Variants in UST observed in about 807,000 individuals in gnomAD.
UST encodes the protein chondroitin sulfate 2-O-sulfotransferase.
A neutral mutation model predicts 45.6 loss-of-function variants in UST; 21 were observed. The ratio of observed to expected loss-of-function variants is 0.46; its 90% confidence interval spans 0.33 to 0.66. The LOEUF (loss-of-function observed/expected upper bound fraction) is 0.66, where lower values mean the gene tolerates loss of function less well. Among genes scored for constraint, UST ranks in the 30% least tolerant of loss-of-function variants. The pLI is 0.02. For missense variants in UST, 463 were observed against 512.4 expected, an observed-to-expected ratio of 0.90 and a Z score of 0.93; for synonymous variants, 215 against 200.6, an observed-to-expected ratio of 1.07 and a Z score of -0.61.
rs141764223 is a variant in UST at position 148,926,109 on chromosome 6, A to G, written c.292-15170A>G. On this transcript the variant is annotated intron_variant, in intron 2 of 7. Coordinates refer to ENST00000367463, the MANE Select transcript of UST (RefSeq NM_005715.3). Reference sequence around the variant, plus strand: ...TGACAGACTTTTAAAGTAATTGAAGAAAGAAAGCAGCACACTTTATGAGAT... The same window carrying G: ...TGACAGACTTTTAAAGTAATTGAAGGAAGAAAGCAGCACACTTTATGAGAT... 2.8e-3 allele frequency among the ~76,000 whole-genome samples: 429 copies of G among 152,350 alleles called. 3 individuals are homozygous for G. The highest frequency in any genetic ancestry group is 9.7e-3 in the African/African-American group (404 of 41,570).
chr6:149,015,441 A>G (rs976424298), intron 5 of UST, among the ~76,000 whole-genome samples: 8 of 152,172 alleles, frequency 5.3e-5, no homozygotes, highest in African/African-American at 9.7e-5. Flanking sequence ...TTAAGACCCA[A>G]TGATAAAAAG....
chr6:148,967,478 T>C (rs542979287), intron 5 of UST, among the ~76,000 whole-genome samples: 1 of 152,330 alleles, frequency 6.6e-6, no homozygotes, highest in East Asian at 1.9e-4. Context: ...CTTTTTTTAA[T>C]AGCTGAAACT....
intron 1 of UST, among the ~76,000 whole-genome samples, chr6:148,755,842 T>G (rs936640171): frequency 6.6e-6 from 1 of 152,124 alleles, no homozygotes; most frequent in Non-Finnish European, 1.5e-5. Context: ...CTGGTAATCA[T>G]CCAGGTGAAA....
At chr6:149,016,535 C>T (rs1245413791) in intron 5 of UST, among the ~76,000 whole-genome samples, 5 of 152,082 alleles carry the variant, frequency 3.3e-5, no homozygotes, top group South Asian at 2.1e-4. Flanking sequence ...TTAGTCCAGG[C>T]AGGGTGCTGA....
chr6:148,949,121 T>C (rs1464031803), intron 3 of UST, among the ~76,000 whole-genome samples: 2 of 151,890 alleles, frequency 1.3e-5, no homozygotes, highest in Non-Finnish European at 2.9e-5. Flanking sequence ...TGAAACCCTG[T>C]CTCTACTAAA....
At chr6:149,063,199 C>A (rs972082918) in intron 7 of UST, among the ~76,000 whole-genome samples, 4 of 152,038 alleles carry the variant, frequency 2.6e-5, no homozygotes, top group African/African-American at 9.7e-5. Context: ...TTGGACATGT[C>A]TATAAAGAAA....
At chr6:148,993,572 G>A (rs1781394448) in intron 5 of UST, among the ~76,000 whole-genome samples, 1 of 152,138 alleles carries the variant, frequency 6.6e-6, no homozygotes, top group Admixed American at 6.5e-5. Flanking sequence ...TTGTATATTT[G>A]TCCCCACCCA....
At chr6:148,956,494 T>A (rs1318226315) in intron 4 of UST, among the ~76,000 whole-genome samples, 2 of 152,124 alleles carry the variant, frequency 1.3e-5, no homozygotes, top group South Asian at 2.1e-4. Context: ...ATTCAAATTA[T>A]CTCCCATCAG....
chr6:148,794,831 C>G (rs147920054), intron 1 of UST, among the ~76,000 whole-genome samples: 1 of 152,210 alleles, frequency 6.6e-6, no homozygotes, highest in African/African-American at 2.4e-5. Context: ...AGTTGGGGAA[C>G]TTATTCCTTC....
At chr6:148,864,718 T>G (rs1417902550) in intron 1 of UST, among the ~76,000 whole-genome samples, 1 of 152,234 alleles carries the variant, frequency 6.6e-6, no homozygotes, top group Non-Finnish European at 1.5e-5. Context: ...CAATAATTAA[T>G]AGTTATCCTT....
At position 149,073,853 on chromosome 6, in the gene UST, A is replaced by T; in HGVS notation, c.958A>T (p.Met320Leu). Residue 320 changes from methionine to leucine, a missense_variant, in exon 8 of 8, where the codon ATG (methionine) becomes TTG (leucine). Transcript: ENST00000367463. The part of the protein sequence containing the change: ...KDPEHRKLGN[M>L]TVTVKKTVPS... ...TCCAGAGCACAGGAAGCTTGGAAACATGACTGTGACGGTGAAGAAGACTGT... is the reference window on the plus strand; with the variant it reads ...TCCAGAGCACAGGAAGCTTGGAAACTTGACTGTGACGGTGAAGAAGACTGT... 5.6e-6 allele frequency: 9 copies of T among 1,613,662 alleles called. No individual in the cohort carries two copies. Among genetic ancestry groups the T allele is most frequent in the African/African-American group, 4.0e-5 (3 of 75,034 alleles).
Position 149,075,251 on chromosome 6 carries a change from A to C in UST, c.*1135A>C, listed in dbSNP as rs1184609593. On this transcript the variant is annotated 3_prime_UTR_variant, in exon 8 of 8. Coordinates refer to ENST00000367463, the MANE Select transcript of UST (RefSeq NM_005715.3). ...CACACCCCTGGCCAAGTTGGGTCCT[A>C]TAGGACCTGGTACTATGTACTATTG... 6.6e-6 allele frequency: 1 copy of C among 152,210 alleles called. No homozygotes were observed. The highest frequency in any genetic ancestry group is 1.9e-4 in the East Asian group (1 of 5,194). The allele number at this position is 152,210 out of a possible 1,614,324, so 9.4% of individuals were successfully genotyped here.
intron 5 of UST, among the ~76,000 whole-genome samples, chr6:149,013,671 T>G (rs900006923): frequency 6.6e-6 from 1 of 152,188 alleles, no homozygotes; most frequent in Non-Finnish European, 1.5e-5. Context: ...TGGAGCTAAT[T>G]AATCTTGGAG....
intron 1 of UST, among the ~76,000 whole-genome samples, chr6:148,849,033 C>G (rs1364805543): frequency 2.0e-5 from 3 of 152,160 alleles, no homozygotes; most frequent in Non-Finnish European, 4.4e-5. Context: ...GAAGGGTGTC[C>G]TGGCTCTGCA....
intron 1 of UST, among the ~76,000 whole-genome samples, chr6:148,751,990 A>T (rs1776001389): frequency 6.6e-6 from 1 of 152,220 alleles, no homozygotes; most frequent in African/African-American, 2.4e-5. Flanking sequence ...TGGATATGTG[A>T]TTTAGACTTT....
chr6:149,058,343 G>C (rs1275587066), intron 7 of UST, among the ~76,000 whole-genome samples: 1 of 107,520 alleles, frequency 9.3e-6, no homozygotes, highest in Non-Finnish European at 2.0e-5. Context: ...CAAAGGAGGA[G>C]CATGTGTGTG....
chr6:149,023,305 A>G (rs1776007240), intron 7 of UST, among the ~76,000 whole-genome samples: 1 of 152,182 alleles, frequency 6.6e-6, no homozygotes, highest in South Asian at 2.1e-4. Context: ...TCTGAGAGAG[A>G]TCAGCTGCTA....
chr6:148,924,879 T>TG (rs1479627260), intron 2 of UST, among the ~76,000 whole-genome samples: 1 of 152,124 alleles, frequency 6.6e-6, no homozygotes, highest in African/African-American at 2.4e-5. Context: ...GTGGAATGCG[T>TG]GTTTTTGAGA....
intron 1 of UST, among the ~76,000 whole-genome samples, chr6:148,768,486 A>G (rs1222800444): frequency 6.6e-6 from 1 of 152,096 alleles, no homozygotes; most frequent in Non-Finnish European, 1.5e-5. Flanking sequence ...ACATTTTCCC[A>G]TTTATTATTC....
Sources: allele counts gnomAD v4.1 joint callset (sites outside exome capture counted in the v4.1 genomes callset), GRCh38; gene constraint gnomAD v4.1.1; transcripts MANE v1.5; gene names NCBI Gene and HGNC (gene_info 2026-07-23, HGNC 2026-07-21).